FBN1: variants seen among roughly 807,000 people sequenced by gnomAD.
FBN1 encodes fibrillin 1.
Under a neutral mutation model 365.1 loss-of-function variants are expected in FBN1, and 29 were observed. The ratio of observed to expected loss-of-function variants is 0.08; its 90% CI spans 0.06 to 0.11. The LOEUF is 0.11. Among genes scored for constraint, FBN1 ranks in the 10% least tolerant of loss-of-function variants. FBN1 has a pLI of 1.00. For missense variants in FBN1, 2,476 were observed against 3,703.2 expected, an observed-to-expected ratio of 0.67 and a Z score of 8.60; for synonymous variants, 1,210 against 1,270.5, an observed-to-expected ratio of 0.95 and a Z score of 1.01.
At chr15:48,500,415 C>G (rs887596237) in intron 17 of FBN1, among the ~76,000 whole-genome samples, 1 of 150,880 alleles carries the variant, frequency 6.6e-6, no homozygotes, top group Non-Finnish European at 1.5e-5. Flanking sequence ...GATGACAACG[C>G]TAATTGCTGG....
At chr15:48,550,583 C>A (rs2044133688) in intron 6 of FBN1, among the ~76,000 whole-genome samples, 1 of 152,154 alleles carries the variant, frequency 6.6e-6, no homozygotes, top group South Asian at 2.1e-4. Flanking sequence ...CTAAAACGCT[C>A]TGTGAAATGC....
At chr15:48,489,779 C>T in intron 25 of FBN1, 72 bp downstream of exon 25, 1 of 1,154,412 alleles carries the variant, frequency 8.7e-7, no homozygotes, top group Non-Finnish European at 1.3e-6. Flanking sequence ...AAGTAGAGTG[C>T]TGAGATCATG....
At position 48,534,217 on chromosome 15, in the gene FBN1, CAGA is replaced by C; in HGVS notation, c.737-15_737-13del. On this transcript the variant is annotated splice_polypyrimidine_tract_variant and intron_variant, in intron 7 of 65. Transcript: ENST00000316623. ...GCATTCATCCACATCTGTCAGATTA[CAGA>C]AGACAGAGAGAAAAAAAAAAAACTC... 1 of 1,600,868 alleles carries C rather than the reference CAGA, an allele frequency of 6.2e-7. No individual in the cohort carries two copies. The highest frequency in any genetic ancestry group is 8.5e-7 in the Non-Finnish European group (1 of 1,175,412).
At chr15:48,514,738 C>T (rs919144407) in intron 12 of FBN1, among the ~76,000 whole-genome samples, 7 of 152,146 alleles carry the variant, frequency 4.6e-5, no homozygotes, top group Non-Finnish European at 5.9e-5. Context: ...TTAACGCTTT[C>T]TTTTAATGGT....
At chr15:48,575,201 T>C (rs1453513216) in intron 6 of FBN1, among the ~76,000 whole-genome samples, 2 of 152,254 alleles carry the variant, frequency 1.3e-5, no homozygotes, top group African/African-American at 4.8e-5. Context: ...TGCTCTAGCA[T>C]GGACTTTAGA....
chr15:48,474,486 A>G, intron 33 of FBN1, 42 bp downstream of exon 33: 1 of 1,614,056 alleles, frequency 6.2e-7, no homozygotes. Flanking sequence ...TGTGTAATCT[A>G]TGCAGTCCTT....
chr15:48,456,554 T>C, intron 44 of FBN1, 83 bp downstream of exon 44: 8 of 1,333,780 alleles, frequency 6.0e-6, no homozygotes, highest in Non-Finnish European at 8.6e-6. Context: ...GAAATTTCAA[T>C]GTTGTGAAAT....
At chr15:48,446,162 T>C (rs375614426) in intron 47 of FBN1, among the ~76,000 whole-genome samples, 1 of 152,184 alleles carries the variant, frequency 6.6e-6, no homozygotes, top group African/African-American at 2.4e-5. Flanking sequence ...ATAAGCATTT[T>C]AATAAAAGTA....
intron 8 of FBN1, 136 bp from the exon 9 acceptor site, chr15:48,526,391 G>A: frequency 1.2e-6 from 1 of 862,366 alleles, no homozygotes; most frequent in Non-Finnish European, 1.8e-6. Flanking sequence ...AAAACCGCAT[G>A]GAGAACAGTC....
At chr15:48,529,896 T>A (rs1034946231) in intron 8 of FBN1, among the ~76,000 whole-genome samples, 9 of 145,438 alleles carry the variant, frequency 6.2e-5, no homozygotes, top group African/African-American at 2.3e-4. Context: ...TGAATTCTTA[T>A]CCATGCTGCA....
At chr15:48,523,090 C>T (rs1049540661) in intron 9 of FBN1, among the ~76,000 whole-genome samples, 7 of 152,170 alleles carry the variant, frequency 4.6e-5, no homozygotes, top group African/African-American at 1.4e-4. Flanking sequence ...ACTTTATATA[C>T]TTGGGAATTA....
At chr15:48,551,049 A>G (rs558918366) in intron 6 of FBN1, among the ~76,000 whole-genome samples, 1 of 152,328 alleles carries the variant, frequency 6.6e-6, no homozygotes, top group South Asian at 2.1e-4. Context: ...CTTTTGAACT[A>G]TTCATTCCCT....
chr15:48,520,584 T>C (rs2043843430), intron 10 of FBN1, 75 bp downstream of exon 10: 2 of 1,555,690 alleles, frequency 1.3e-6, no homozygotes, highest in Non-Finnish European at 1.8e-6. Flanking sequence ...CCATTACATC[T>C]GCATCATGCA....
chr15:48,429,929 GAGGTC>G (rs1416454636), intron 56 of FBN1, among the ~76,000 whole-genome samples: 2 of 152,202 alleles, frequency 1.3e-5, no homozygotes, highest in Non-Finnish European at 1.5e-5. Context: ...TATCTAAGCA[GAGGTC>G]AGGAAACTTT....
intron 53 of FBN1, among the ~76,000 whole-genome samples, chr15:48,435,764 ATG>A (rs766256307): frequency 0.017 from 370 of 21,308 alleles, 6 homozygotes; most frequent in African/African-American, 0.036. Flanking sequence ...GTGTATATAT[ATG>A]TGTATATGTG....
intron 17 of FBN1, among the ~76,000 whole-genome samples, chr15:48,501,176 T>C (rs1042309097): frequency 2.6e-5 from 4 of 152,232 alleles, no homozygotes; most frequent in South Asian, 2.1e-4. Context: ...CCAAAGTTCA[T>C]GTGCTGGAAA....
intron 17 of FBN1, among the ~76,000 whole-genome samples, chr15:48,499,256 G>A (rs1393461826): frequency 1.3e-5 from 2 of 152,212 alleles, no homozygotes; most frequent in East Asian, 1.9e-4. Context: ...ATACAGGCAA[G>A]TTATAGCAAT....
chr15:48,537,982 C>G (rs776201580), intron 6 of FBN1, among the ~76,000 whole-genome samples, 174 bp from the exon 7 acceptor site: 3 of 152,176 alleles, frequency 2.0e-5, no homozygotes, highest in Non-Finnish European at 4.4e-5. Flanking sequence ...ACTTCTGAAC[C>G]CGATTTCCTA....
chr15:48,594,405 G>C (rs1385806051), intron 6 of FBN1, among the ~76,000 whole-genome samples: 2 of 152,122 alleles, frequency 1.3e-5, no homozygotes, highest in African/African-American at 4.8e-5. Flanking sequence ...ATTTGATTTT[G>C]AAAATCACCA....
Sources: allele counts gnomAD v4.1 joint callset (sites outside exome capture counted in the v4.1 genomes callset), GRCh38; gene constraint gnomAD v4.1.1; transcripts MANE v1.5; gene names NCBI Gene and HGNC (gene_info 2026-07-23, HGNC 2026-07-21).